IQSEC3: variants seen among roughly 807,000 people sequenced by gnomAD.
IQSEC3 encodes IQ motif and Sec7 domain ArfGEF 3, also known as IQ motif and SEC7 domain-containing protein 3.
IQSEC3 carries 50 observed loss-of-function variants against 105.4 expected under a neutral mutation model. The ratio of observed to expected loss-of-function variants is 0.47; its 90% confidence interval spans 0.38 to 0.60. The LOEUF (loss-of-function observed/expected upper bound fraction) is 0.60, where lower values mean the gene tolerates loss of function less well. Among genes scored for constraint, IQSEC3 ranks in the 20% least tolerant of loss-of-function variants. The pLI is 0.00. For missense variants in IQSEC3, 1,415 were observed against 1,630.0 expected, an observed-to-expected ratio of 0.87 and a Z score of 2.27; for synonymous variants, 708 against 746.0, an observed-to-expected ratio of 0.95 and a Z score of 0.83.
At chr12:81,273 G>A (rs1204056764) in intron 1 of IQSEC3, among the ~76,000 whole-genome samples, 5 of 152,200 alleles carry the variant, frequency 3.3e-5, no homozygotes, top group Admixed American at 6.5e-5. Flanking sequence ...ATTGGAGTCC[G>A]TTAGGAAGTG....
intron 11 of IQSEC3, among the ~76,000 whole-genome samples, chr12:168,007 T>G (rs933247289): frequency 1.3e-5 from 2 of 152,316 alleles, no homozygotes; most frequent in Admixed American, 6.5e-5. Flanking sequence ...GATGGTGTGA[T>G]TTAGGCAACC....
chr12:119,764 C>T (rs1865159776), intron 2 of IQSEC3, among the ~76,000 whole-genome samples: 1 of 152,182 alleles, frequency 6.6e-6, no homozygotes, highest in Non-Finnish European at 1.5e-5. Flanking sequence ...TTTACATCCC[C>T]ACTGAAATTG....
At chr12:125,969 G>A (rs1248601184) in intron 3 of IQSEC3, 57 bp downstream of exon 3, 10 of 1,484,782 alleles carry the variant, frequency 6.7e-6, no homozygotes, top group East Asian at 5.0e-5. Context: ...TGCTTTGGGG[G>A]CTGTCGAGGG....
chr12:96,604 C>G (rs564373292), intron 1 of IQSEC3, among the ~76,000 whole-genome samples: 1 of 152,208 alleles, frequency 6.6e-6, no homozygotes, highest in African/African-American at 2.4e-5. Flanking sequence ...TCATGTGATG[C>G]TATACTAGAG....
intron 3 of IQSEC3, among the ~76,000 whole-genome samples, chr12:136,913 G>C (rs566949923): frequency 1.6e-4 from 24 of 152,296 alleles, no homozygotes; most frequent in African/African-American, 5.5e-4. Flanking sequence ...GGAAAAGTGA[G>C]AGCGTAGCAA....
intron 2 of IQSEC3, among the ~76,000 whole-genome samples, chr12:116,060 T>C (rs1865038091): frequency 6.6e-6 from 1 of 152,232 alleles, no homozygotes. Context: ...TATTTTCTTA[T>C]TTGACAAAAT....
chr12:112,587 C>T (rs948747689), intron 2 of IQSEC3, among the ~76,000 whole-genome samples: 1 of 152,158 alleles, frequency 6.6e-6, no homozygotes, highest in Non-Finnish European at 1.5e-5. Context: ...CCACACTGAC[C>T]TAGACAAGGC....
intron 1 of IQSEC3, among the ~76,000 whole-genome samples, chr12:97,586 G>A (rs914952078): frequency 5.3e-5 from 8 of 152,170 alleles, no homozygotes; most frequent in East Asian, 1.9e-4. Flanking sequence ...AGGCCAAGAC[G>A]GGAGGATTGC....
chr12:175,166 C>G lies in IQSEC3; in HGVS notation c.*133C>G, dbSNP rs1939201511. ...CACCATCATTTTGGGAAGAGAATCCCAATCCCTGGCACCTGGGTTTGCCTC... is the reference window on the plus strand; with the variant it reads ...CACCATCATTTTGGGAAGAGAATCCGAATCCCTGGCACCTGGGTTTGCCTC... On this transcript the variant is annotated 3_prime_UTR_variant, in exon 14 of 14. Transcript: ENST00000538872. 1 of 728,724 alleles carries G rather than the reference C, an allele frequency of 1.4e-6. No homozygotes were observed. Among genetic ancestry groups the G allele is most frequent in the African/African-American group, 1.8e-5 (1 of 56,240 alleles). 45.1% of individuals were successfully genotyped at this position (728,724 alleles called of 1,614,324 possible).
At chr12:77,110 T>A (rs1863562962) in intron 1 of IQSEC3, among the ~76,000 whole-genome samples, 1 of 152,268 alleles carries the variant, frequency 6.6e-6, no homozygotes, top group African/African-American at 2.4e-5. Context: ...CCTCCGTGTT[T>A]CCCGCGCACA....
At chr12:100,519 C>G (rs763484861) in intron 2 of IQSEC3, among the ~76,000 whole-genome samples, 1 of 152,174 alleles carries the variant, frequency 6.6e-6, no homozygotes, top group Non-Finnish European at 1.5e-5. Context: ...CATAGGGGAG[C>G]CAGCAGAGGT....
Position 175,756 on chromosome 12 carries a change from C to G in IQSEC3, c.*723C>G, listed in dbSNP as rs1026793916. ...TTCGGCTTTCTATAGGTCAGTCCAG[C>G]AGGGCCACGGGATCGCGAGGTCATG... On this transcript the variant is annotated 3_prime_UTR_variant, in exon 14 of 14. Coordinates refer to ENST00000538872, the MANE Select transcript of IQSEC3 (RefSeq NM_001170738.2). 3.3e-5 allele frequency: 5 copies of G among 152,324 alleles called. No homozygotes were observed. The highest frequency in any genetic ancestry group is 1.2e-4 in the African/African-American group (5 of 41,458). The allele number at this position is 152,324 out of a possible 1,614,324, so 9.4% of individuals were successfully genotyped here.
Position 175,128 on chromosome 12 carries a change from C to A in IQSEC3, c.*95C>A. 2 of 962,778 alleles carry A rather than the reference C, an allele frequency of 2.1e-6. No homozygotes were observed. The highest frequency in any genetic ancestry group is 3.0e-6 in the Non-Finnish European group (2 of 671,930). 59.6% of individuals were successfully genotyped at this position (962,778 alleles called of 1,614,324 possible). A position where few individuals can be genotyped will look rare whatever the true frequency, so the allele number is the denominator to read the frequency against. Reference sequence around the variant, plus strand: ...TCCCCATACCCTGGCACGATGCGTTCCTGGTCACTGATCACCATCATTTTG... The same window carrying A: ...TCCCCATACCCTGGCACGATGCGTTACTGGTCACTGATCACCATCATTTTG... On this transcript the variant is annotated 3_prime_UTR_variant, in exon 14 of 14. Coordinates refer to ENST00000538872, the MANE Select transcript of IQSEC3 (RefSeq NM_001170738.2).
At chr12:156,906 G>T (rs1260655164) in intron 5 of IQSEC3, 119 bp from the exon 6 acceptor site, 1 of 1,256,420 alleles carries the variant, frequency 8.0e-7, no homozygotes, top group African/African-American at 1.6e-5. Context: ...CGACCCCCGG[G>T]GGTGAGTAGC....
At chr12:163,992 G>C (rs1428760684) in intron 9 of IQSEC3, among the ~76,000 whole-genome samples, 2 of 152,228 alleles carry the variant, frequency 1.3e-5, no homozygotes, top group Non-Finnish European at 2.9e-5. Flanking sequence ...CCTAGGCGGA[G>C]CATGCTCTGT....
At chr12:75,019 C>T (rs1311873221) in intron 1 of IQSEC3, among the ~76,000 whole-genome samples, 4 of 152,278 alleles carry the variant, frequency 2.6e-5, no homozygotes, top group Admixed American at 6.5e-5. Context: ...GGGAGGTCCC[C>T]GTGCCTTCCA....
intron 3 of IQSEC3, among the ~76,000 whole-genome samples, chr12:128,596 T>G (rs1403404282): frequency 6.6e-6 from 1 of 151,916 alleles, no homozygotes; most frequent in Non-Finnish European, 1.5e-5. Context: ...CCCAGGACGG[T>G]TTTCCTTGGC....
intron 5 of IQSEC3, among the ~76,000 whole-genome samples, chr12:146,088 G>T (rs1866255321): frequency 6.6e-6 from 1 of 152,310 alleles, no homozygotes; most frequent in Middle Eastern, 3.4e-3. Context: ...AAATATGTTG[G>T]CCAGAGTATA....
intron 2 of IQSEC3, among the ~76,000 whole-genome samples, chr12:107,568 C>A (rs1343226416): frequency 6.6e-6 from 1 of 151,808 alleles, no homozygotes; most frequent in Non-Finnish European, 1.5e-5. Context: ...CGCCACCGTG[C>A]CCGGCTAATT....
Sources: allele counts gnomAD v4.1 joint callset (sites outside exome capture counted in the v4.1 genomes callset), GRCh38; gene constraint gnomAD v4.1.1; transcripts MANE v1.5; gene names NCBI Gene and HGNC (gene_info 2026-07-23, HGNC 2026-07-21).